CCDC186: variants seen among roughly 807,000 people sequenced by gnomAD.
The protein encoded by CCDC186 is coiled-coil domain containing 186, also known as coiled-coil domain-containing protein 186.
In CCDC186, 49 loss-of-function variants were observed where a neutral mutation model predicts 113.7. The observed-to-expected ratio is 0.43, with a 90% confidence interval of 0.34 to 0.55. The LOEUF (loss-of-function observed/expected upper bound fraction) is 0.55. Among genes scored for constraint, CCDC186 ranks in the 20% least tolerant of loss-of-function variants. The pLI is 0.02. For missense variants in CCDC186, 890 were observed against 1,011.1 expected (o/e 0.88, Z 1.62); for synonymous variants, 355 against 345.8 (o/e 1.03, Z -0.30).
chr10:114,130,126 A>G, intron 12 of CCDC186, 155 bp from the exon 13 acceptor site: 1 of 523,396 alleles, frequency 1.9e-6, no homozygotes, highest in Non-Finnish European at 3.4e-6. Flanking sequence ...TCATTCATAT[A>G]AAATGTCATT....
intron 3 of CCDC186, 91 bp downstream of exon 3, chr10:114,157,463 A>T (rs2032044669): frequency 7.8e-7 from 1 of 1,275,364 alleles, no homozygotes; most frequent in Non-Finnish European, 1.0e-6. Context: ...AAGTGCTACG[A>T]TTACAGGCAT....
At chr10:114,137,994 G>A (rs187763441) in intron 6 of CCDC186, among the ~76,000 whole-genome samples, 75 of 122,686 alleles carry the variant, frequency 6.1e-4, no homozygotes, top group African/African-American at 1.9e-3. Flanking sequence ...CCGAAATTGC[G>A]CCACTGTACT....
At chr10:114,171,807 C>T (rs1390104715) in intron 1 of CCDC186, among the ~76,000 whole-genome samples, 2 of 152,124 alleles carry the variant, frequency 1.3e-5, no homozygotes, top group Non-Finnish European at 2.9e-5. Context: ...TAATGATAGA[C>T]AAATGTTAAT....
intron 1 of CCDC186, among the ~76,000 whole-genome samples, chr10:114,167,142 T>C (rs1462711129): frequency 6.7e-6 from 1 of 150,206 alleles, no homozygotes; most frequent in Non-Finnish European, 1.5e-5. Context: ...TGCCTCAGCC[T>C]CCCAAGTAGC....
rs2032055717 is a variant in CCDC186 at position 114,157,797 on chromosome 10, T to G, written c.633-117A>C. The G allele has an allele frequency of 3.9e-6, 3 of 760,560 alleles. No homozygotes were observed. The East Asian group carries it at 9.9e-5, about 25-fold the overall frequency. The allele number at this position is 760,560 out of a possible 1,614,324, so 47.1% of individuals were successfully genotyped here. On this transcript the variant is annotated intron_variant, in intron 2 of 15. Coordinates refer to ENST00000369287, the MANE Select transcript of CCDC186 (RefSeq NM_018017.4). Reference sequence around the variant, plus strand: ...AGATATCTATAATTATTCATTATGTTAATAAATTAACATTCCTAAATAATC... The same window carrying G: ...AGATATCTATAATTATTCATTATGTGAATAAATTAACATTCCTAAATAATC...
At chr10:114,131,866 T>G in intron 11 of CCDC186, 63 bp downstream of exon 11, 1 of 1,432,794 alleles carries the variant, frequency 7.0e-7, no homozygotes, top group Non-Finnish European at 9.3e-7. Flanking sequence ...ACTTTTATAC[T>G]GTTAGGGAAA....
chr10:114,137,336 T>C (rs1438074813), intron 6 of CCDC186, 46 bp from the exon 7 acceptor site: 3 of 1,404,480 alleles, frequency 2.1e-6, no homozygotes, highest in African/African-American at 2.8e-5. Context: ...AGCAACGTGA[T>C]GAATGGTAAG....
chr10:114,145,621 A>C lies in CCDC186; in HGVS notation c.1029T>G (p.Leu343=), dbSNP rs537671088. The stretch of plus-strand genomic sequence containing the variant: ...GCTTAATTTTGTTAGTGTTTTTCTC[A>C]AGTTCCTTATTTGCATCTCTAAGTT... ...EKKLRDANKE[L]EKNTNKIKQL... Residue 343 remains leucine, a synonymous_variant, in exon 5 of 16, where the codon CTT becomes CTG. Transcript: ENST00000369287. 1.9e-3 allele frequency: 3,043 copies of C among 1,613,164 alleles called. 80 individuals carry two copies. In the South Asian group the frequency reaches 0.032, roughly 17 times the overall value.
Position 114,121,867 on chromosome 10 carries a change from C to A in CCDC186, c.*3276G>T. 6.6e-6 allele frequency: 1 copy of A among 152,158 alleles called. No individual in the cohort carries two copies. Among genetic ancestry groups the A allele is most frequent in the Non-Finnish European group, 1.5e-5 (1 of 68,080 alleles). The allele number at this position is 152,158 out of a possible 1,614,324, so 9.4% of individuals were successfully genotyped here. On this transcript the variant is annotated 3_prime_UTR_variant, in exon 16 of 16. Coordinates refer to ENST00000369287, the MANE Select transcript of CCDC186 (RefSeq NM_018017.4). Reference sequence around the variant, plus strand: ...GTCACCCAGGCTGGAGTATAGAGTACAGTGGCAATCATAGCTCACTGCAAG... The same window carrying A: ...GTCACCCAGGCTGGAGTATAGAGTAAAGTGGCAATCATAGCTCACTGCAAG...
chr10:114,173,951 G>A lies in CCDC186; in HGVS notation c.-62+64C>T, dbSNP rs569394254. 1.1e-5 allele frequency: 5 copies of A among 457,246 alleles called. 1 individual carries two copies. Among genetic ancestry groups the A allele is most frequent in the South Asian group, 7.8e-5 (5 of 64,034 alleles). The allele number at this position is 457,246 out of a possible 1,614,324, so 28.3% of individuals were successfully genotyped here. A position where few individuals can be genotyped will look rare whatever the true frequency, so the allele number is the denominator to read the frequency against. On this transcript the variant is annotated intron_variant, in intron 1 of 15. Coordinates refer to ENST00000369287, the MANE Select transcript of CCDC186 (RefSeq NM_018017.4). ...AACGTGCAGGAAGGAGCGGAAGGCT[G>A]GCAGCCCCACCGCACCGCCACCGCG...
intron 7 of CCDC186, 28 bp from the exon 8 acceptor site, chr10:114,136,274 G>A (rs771219888): frequency 6.5e-7 from 1 of 1,544,212 alleles, no homozygotes; most frequent in Non-Finnish European, 8.9e-7. Flanking sequence ...AAAAAAGTGT[G>A]ACAATTTTTA....
intron 2 of CCDC186, among the ~76,000 whole-genome samples, chr10:114,159,640 CAA>C (rs34339225): frequency 0.031 from 1,722 of 55,286 alleles, 7 homozygotes; most frequent in African/African-American, 0.099. Context: ...GACTCCGTCT[CAA>C]AAAAAAAAAA....
In CCDC186 at chr10:114,135,956, C is replaced by G; in HGVS notation, c.1447G>C (p.Glu483Gln). 3.1e-6 allele frequency: 5 copies of G among 1,612,910 alleles called. No individual in the cohort carries two copies. Among genetic ancestry groups the G allele is most frequent in the Non-Finnish European group, 4.2e-6 (5 of 1,179,434 alleles). The change falls in exon 9 of 16, where the codon GAA becomes CAA. Residue 483 changes from glutamate (E) to glutamine (Q), a missense_variant. Glu to Gln is a conservative substitution (Grantham distance 29). Transcript: ENST00000369287. ...AATGTTCTCTTCAGATCTTCTAGTTCCTTTATTTTGGCATGATGCATCTTT... is the reference window on the plus strand; with the variant it reads ...AATGTTCTCTTCAGATCTTCTAGTTGCTTTATTTTGGCATGATGCATCTTT... ...QLEMHHAKIK[E>Q]LEDLKRTFKE...
At chr10:114,163,482 T>C (rs576587651) in intron 1 of CCDC186, among the ~76,000 whole-genome samples, 153 bp from the exon 2 acceptor site, 1 of 152,260 alleles carries the variant, frequency 6.6e-6, no homozygotes, top group East Asian at 1.9e-4. Flanking sequence ...GAAAAAGGAC[T>C]AGGACAGCTA....
Position 114,125,237 on chromosome 10 carries a change from T to C in CCDC186, c.2614-11A>G. 1 of 1,576,984 alleles carries C rather than the reference T, an allele frequency of 6.3e-7. No individual in the cohort carries two copies. Among genetic ancestry groups the C allele is most frequent in the Non-Finnish European group, 8.7e-7 (1 of 1,149,042 alleles). On this transcript the variant is annotated splice_polypyrimidine_tract_variant and intron_variant, in intron 15 of 15. Transcript: ENST00000369287. The stretch of plus-strand genomic sequence containing the variant: ...TGTTTGTAGATTTTCCTTTAATAAT[T>C]GGGGTGAGGGGAAAGGGAAGAGAAA...
intron 8 of CCDC186, 60 bp downstream of exon 8, chr10:114,136,088 C>G: frequency 6.6e-7 from 1 of 1,523,440 alleles, no homozygotes; most frequent in South Asian, 1.1e-5. Context: ...TAAGTTCTCA[C>G]TATTTCTCTT....
chr10:114,131,113 A>C, intron 12 of CCDC186, 34 bp downstream of exon 12: 1 of 1,363,410 alleles, frequency 7.3e-7, no homozygotes, highest in African/African-American at 1.5e-5. Context: ...AGAAACAAAC[A>C]CATTCATGGT....
rs745845301 is a variant in CCDC186 at position 114,145,532 on chromosome 10, A to G, written c.1101+17T>C. 23 of 1,559,630 alleles carry G rather than the reference A, an allele frequency of 1.5e-5. No homozygotes were observed. Among genetic ancestry groups the G allele is most frequent in the Non-Finnish European group, 2.0e-5 (23 of 1,158,982 alleles). On this transcript the variant is annotated intron_variant, in intron 5 of 15. Coordinates refer to ENST00000369287, the MANE Select transcript of CCDC186 (RefSeq NM_018017.4). ...TTTCAAATAAGGTCAACATATTTCA[A>G]ATGGCACAAGTTATACCTTAGTTTC... is the stretch of plus-strand genomic sequence containing the variant.
Position 114,135,903 on chromosome 10 carries a change from T to G in CCDC186, c.1500A>C (p.Thr500=). Residue 500 remains threonine, a synonymous_variant, in exon 9 of 16, where the codon ACA becomes ACC. Coordinates refer to ENST00000369287, the MANE Select transcript of CCDC186 (RefSeq NM_018017.4). The part of the protein sequence containing the change: ...TFKEGMDELR[T]LRTKVKCLED... Reference sequence around the variant, plus strand: ...AAGACTGAATTACCTTTGTTCTCAGTGTTCTTAACTCATCCATACCCTCCT... The same window carrying G: ...AAGACTGAATTACCTTTGTTCTCAGGGTTCTTAACTCATCCATACCCTCCT... 1 of 1,610,264 alleles carries G rather than the reference T, an allele frequency of 6.2e-7. No homozygotes were observed. Among genetic ancestry groups the G allele is most frequent in the Non-Finnish European group, 8.5e-7 (1 of 1,177,202 alleles).
Sources: allele counts gnomAD v4.1 joint callset (sites outside exome capture counted in the v4.1 genomes callset), GRCh38; gene constraint gnomAD v4.1.1; transcripts MANE v1.5; gene names NCBI Gene and HGNC (gene_info 2026-07-23, HGNC 2026-07-21).